Variants in KIF5A observed in about 807,000 individuals in gnomAD.
KIF5A encodes the protein kinesin heavy chain isoform 5A.
Under a neutral mutation model 141.3 loss-of-function variants are expected in KIF5A, and 35 were observed. That is an observed-to-expected ratio of 0.25 (90% CI 0.19 to 0.33). The LOEUF is 0.33. KIF5A is among the 10% of genes least tolerant of loss of function. KIF5A has a pLI of 1.00. For missense variants in KIF5A, 861 were observed against 1,314.3 expected, an observed-to-expected ratio of 0.66 and a Z score of 5.33; for synonymous variants, 448 against 500.2, an observed-to-expected ratio of 0.90 and a Z score of 1.39.
chr12:57,575,338 C>G lies in KIF5A; in HGVS notation c.1905+66C>G, dbSNP rs916504335. The G allele has an allele frequency of 2.7e-6, 4 of 1,466,356 alleles. No homozygotes were observed. The African/African-American group carries it at 5.6e-5, about 20-fold the overall frequency. The allele number at this position is 1,466,356 out of a possible 1,614,324, so 90.8% of individuals were successfully genotyped here. On this transcript the variant is annotated intron_variant, in intron 16 of 28. Coordinates refer to ENST00000455537, the MANE Select transcript of KIF5A (RefSeq NM_004984.4). Reference sequence around the variant, plus strand: ...AAAGAAGGCTACTCTGGGGTTATGGCTAAAACTCCTAACACCCACCTTTAT... The same window carrying G: ...AAAGAAGGCTACTCTGGGGTTATGGGTAAAACTCCTAACACCCACCTTTAT...
chr12:57,582,337 G>A (rs916322299), intron 26 of KIF5A, among the ~76,000 whole-genome samples: 5 of 152,098 alleles, frequency 3.3e-5, no homozygotes, highest in African/African-American at 1.2e-4. Context: ...TAGGTCTCAG[G>A]CTGCCTGGGA....
chr12:57,567,025 G>A (rs1882084590), intron 6 of KIF5A, 101 bp from the exon 7 acceptor site: 3 of 516,994 alleles, frequency 5.8e-6, no homozygotes, highest in African/African-American at 2.0e-5. Flanking sequence ...TGGGCAGAGC[G>A]AGACTCCATC....
Position 57,567,428 on chromosome 12 carries a change from AG to A in KIF5A, c.590-65del. On this transcript the variant is annotated intron_variant, in intron 7 of 28. Coordinates refer to ENST00000455537, the MANE Select transcript of KIF5A (RefSeq NM_004984.4). ...GGTGGGCGGGGCTGGGGTCAGTGGA[AG>A]CCGGGGGCTGAGGACCTCAGTTCTG... is the stretch of plus-strand genomic sequence containing the variant. 3 of 1,601,084 alleles carry A rather than the reference AG, an allele frequency of 1.9e-6. No individual in the cohort carries two copies. The South Asian group carries it at 3.4e-5, about 18-fold the overall frequency.
intron 27 of KIF5A, 69 bp downstream of exon 27, chr12:57,582,698 G>GC (rs1882643506): frequency 1.5e-6 from 2 of 1,327,586 alleles, no homozygotes; most frequent in African/African-American, 1.4e-5. Flanking sequence ...TTTCCCTTGT[G>GC]CCCCACTTGG....
rs1315066735 is a variant in KIF5A, at chr12:57,585,353, T to G, written c.*1172T>G. The G allele has an allele frequency of 6.5e-6, 1 of 154,332 alleles. No homozygotes were observed. Among genetic ancestry groups the G allele is most frequent in the African/African-American group, 2.4e-5 (1 of 41,488 alleles). 9.6% of individuals were successfully genotyped at this position (154,332 alleles called of 1,614,324 possible). On this transcript the variant is annotated 3_prime_UTR_variant, in exon 29 of 29. Transcript: ENST00000455537. Reference sequence around the variant, plus strand: ...TCCCCATCTGGTATTAAGTGCACTTTAAAGAAAGGGGCAGGGTGGATTTTC... The same window carrying G: ...TCCCCATCTGGTATTAAGTGCACTTGAAAGAAAGGGGCAGGGTGGATTTTC...
chr12:57,558,072 A>C (rs1466202890), intron 1 of KIF5A, among the ~76,000 whole-genome samples: 2 of 152,096 alleles, frequency 1.3e-5, no homozygotes, highest in African/African-American at 4.8e-5. Context: ...ACCTTTTTTT[A>C]CACAAATGGT....
Position 57,584,609 on chromosome 12 carries a change from A to G in KIF5A, c.*428A>G, listed in dbSNP as rs1301856606. ...TGACCCTTCATACACACACGCACGC[A>G]CGCACACAAACATGCACACACGCAT... On this transcript the variant is annotated 3_prime_UTR_variant, in exon 29 of 29. Coordinates refer to ENST00000455537, the MANE Select transcript of KIF5A (RefSeq NM_004984.4). 1 of 152,642 alleles carries G rather than the reference A, an allele frequency of 6.6e-6. No individual in the cohort carries two copies. The highest frequency in any genetic ancestry group is 1.5e-5 in the Non-Finnish European group (1 of 68,072). The allele number at this position is 152,642 out of a possible 1,614,324, so 9.5% of individuals were successfully genotyped here.
At chr12:57,573,334 A>G (rs1315055917) in intron 15 of KIF5A, among the ~76,000 whole-genome samples, 1 of 152,162 alleles carries the variant, frequency 6.6e-6, no homozygotes, top group Non-Finnish European at 1.5e-5. Context: ...GTTCACGACC[A>G]GCCTGGGTGA....
chr12:57,556,212 C>T (rs1031922906), intron 1 of KIF5A, among the ~76,000 whole-genome samples: 1 of 151,358 alleles, frequency 6.6e-6, no homozygotes, highest in Non-Finnish European at 1.5e-5. Context: ...GATCTCGGCT[C>T]ACTGGAAACT....
At chr12:57,568,735 A>G (rs920917662) in intron 8 of KIF5A, among the ~76,000 whole-genome samples, 2 of 152,064 alleles carry the variant, frequency 1.3e-5, no homozygotes, top group African/African-American at 4.8e-5. Flanking sequence ...CAAAAAAAAA[A>G]AAAGGAATCA....
intron 1 of KIF5A, among the ~76,000 whole-genome samples, chr12:57,558,418 G>A (rs745333645): frequency 1.1e-4 from 17 of 152,038 alleles, no homozygotes; most frequent in Non-Finnish European, 2.5e-4. Flanking sequence ...GCTTACGCCT[G>A]TAATCTCAGC....
chr12:57,561,452 T>A (rs969626370), intron 1 of KIF5A, among the ~76,000 whole-genome samples: 1 of 152,228 alleles, frequency 6.6e-6, no homozygotes, highest in African/African-American at 2.4e-5. Flanking sequence ...TTCTATCAGT[T>A]GGTAATTTAC....
intron 8 of KIF5A, 21 bp downstream of exon 8, chr12:57,567,639 G>A (rs1882107483): frequency 2.5e-6 from 4 of 1,605,428 alleles, no homozygotes; most frequent in East Asian, 4.5e-5. Flanking sequence ...CTGTGGATAT[G>A]GGGTGGGTGG....
intron 16 of KIF5A, 56 bp downstream of exon 16, chr12:57,575,328 G>A: frequency 6.5e-7 from 1 of 1,544,496 alleles, no homozygotes. Flanking sequence ...AGGCTACTCT[G>A]GGGTTATGGC....
chr12:57,562,223 C>CT (rs1433700568), intron 1 of KIF5A, among the ~76,000 whole-genome samples: 9 of 151,686 alleles, frequency 5.9e-5, no homozygotes, highest in East Asian at 3.9e-4. Flanking sequence ...CTTCACAGTT[C>CT]TTTTTTTTTG....
chr12:57,556,747 G>T (rs937307621), intron 1 of KIF5A, among the ~76,000 whole-genome samples: 3 of 152,060 alleles, frequency 2.0e-5, no homozygotes, highest in African/African-American at 7.2e-5. Flanking sequence ...AATCCCCTTT[G>T]GCTGGGTGCC....
Position 57,568,990 on chromosome 12 carries a change from G to A in KIF5A, c.742G>A (p.Val248Met), listed in dbSNP as rs151129834. ...CAGCAAGACTGGAGCAGAGGGAGCC[G>A]TGCTGGACGAGGCAAAGAATATCAA... ...KVSKTGAEGA[V>M]LDEAKNINKS... Residue 248 changes from valine to methionine, a missense_variant, in exon 9 of 29, where the codon GTG becomes ATG. Around this residue, in one of 5 missense-constraint regions of KIF5A, gnomAD observed 146 missense variants for 353.4 expected, o/e 0.41. Transcript: ENST00000455537. 6.2e-6 allele frequency: 10 copies of A among 1,613,770 alleles called. No homozygotes were observed. Among genetic ancestry groups the A allele is most frequent in the African/African-American group, 5.3e-5 (4 of 74,878 alleles).
intron 1 of KIF5A, among the ~76,000 whole-genome samples, chr12:57,562,794 G>T (rs1419613595): frequency 2.6e-5 from 4 of 152,118 alleles, no homozygotes. Flanking sequence ...TAGTGTTAAT[G>T]AATTGTTCTT....
At chr12:57,562,277 G>A (rs1381201501) in intron 1 of KIF5A, among the ~76,000 whole-genome samples, 1 of 152,108 alleles carries the variant, frequency 6.6e-6, no homozygotes, top group African/African-American at 2.4e-5. Context: ...GTGCAGTGGC[G>A]CAATCTTGGC....
Sources: allele counts gnomAD v4.1 joint callset (sites outside exome capture counted in the v4.1 genomes callset), GRCh38; gene constraint gnomAD v4.1.1; regional missense constraint gnomAD v4.1.1; transcripts MANE v1.5; gene names NCBI Gene and HGNC (gene_info 2026-07-23, HGNC 2026-07-21).